SCUBE2: variants seen among roughly 807,000 people sequenced by gnomAD.
SCUBE2 encodes signal peptide, CUB and EGF-like domain-containing protein 2.
In SCUBE2, 114 loss-of-function variants were observed where a neutral mutation model predicts 125.9. The ratio of observed to expected loss-of-function variants is 0.91; its 90% CI spans 0.78 to 1.06. The LOEUF (loss-of-function observed/expected upper bound fraction) is 1.06, where lower values mean the gene tolerates loss of function less well. SCUBE2 is among the 50% of genes least tolerant of loss of function. SCUBE2 has a pLI of 0.00. For synonymous variants in SCUBE2, 459 were observed against 492.9 expected (o/e 0.93, Z 0.91); for missense variants, 1,255 against 1,301.8 (o/e 0.96, Z 0.55).
chr11:9,023,908 G>A (rs1223918442), intron 21 of SCUBE2, among the ~76,000 whole-genome samples: 2 of 152,058 alleles, frequency 1.3e-5, no homozygotes, highest in Admixed American at 6.5e-5. Flanking sequence ...GCGCTCAGAG[G>A]GCCCGTCTGT....
intron 9 of SCUBE2, among the ~76,000 whole-genome samples, chr11:9,058,261 G>A (rs184871632): frequency 4.6e-5 from 7 of 152,160 alleles, no homozygotes; most frequent in African/African-American, 1.2e-4. Context: ...TTAGGAATTC[G>A]AGACCAGCCT....
intron 17 of SCUBE2, among the ~76,000 whole-genome samples, chr11:9,032,500 G>A (rs992445355): frequency 8.5e-5 from 13 of 152,098 alleles, no homozygotes; most frequent in Non-Finnish European, 1.2e-4. Context: ...TTGGGAGGCC[G>A]AGGCAGGTGG....
chr11:9,022,042 A>G, intron 21 of SCUBE2, 87 bp from the exon 22 acceptor site: 1 of 990,512 alleles, frequency 1.0e-6, no homozygotes, highest in Non-Finnish European at 1.6e-6. Context: ...GTTCTGAGAA[A>G]TGCCCCTTCT....
At chr11:9,031,660 C>T (rs1856316645) in intron 17 of SCUBE2, among the ~76,000 whole-genome samples, 2 of 151,936 alleles carry the variant, frequency 1.3e-5, no homozygotes, top group South Asian at 4.2e-4. Context: ...AAAGAGTCTC[C>T]CCTGTTTTAA....
chr11:9,087,057 CT>C (rs1331712861), intron 2 of SCUBE2, among the ~76,000 whole-genome samples: 3 of 152,014 alleles, frequency 2.0e-5, no homozygotes, highest in African/African-American at 7.2e-5. Flanking sequence ...TATTATTTGA[CT>C]TTTTATAACA....
At chr11:9,024,218 C>G in intron 21 of SCUBE2, 1 of 1,096,394 alleles carries the variant, frequency 9.1e-7, no homozygotes, top group Non-Finnish European at 1.1e-6. Flanking sequence ...TTGAGAACAG[C>G]CATATTTATT....
chr11:9,078,410 G>A (rs903239637), intron 3 of SCUBE2, among the ~76,000 whole-genome samples: 1 of 152,188 alleles, frequency 6.6e-6, no homozygotes, highest in African/African-American at 2.4e-5. Flanking sequence ...GGTCATATGA[G>A]GGTTAAGTCC....
intron 2 of SCUBE2, among the ~76,000 whole-genome samples, chr11:9,086,598 A>C (rs1041185174): frequency 6.6e-6 from 1 of 152,196 alleles, no homozygotes; most frequent in Non-Finnish European, 1.5e-5. Flanking sequence ...CACGCCTATA[A>C]TCCCAGCACT....
rs1172454367 is a variant in SCUBE2 at position 9,020,199 on chromosome 11, C to A, written c.*846G>T. On this transcript the variant is annotated 3_prime_UTR_variant, in exon 23 of 23. Transcript: ENST00000649792. Reference sequence around the variant, plus strand: ...AATACCGACTCAGGGTTGGTGAAATCGCCTTTTCATGACAATTGATGATTC... The same window carrying A: ...AATACCGACTCAGGGTTGGTGAAATAGCCTTTTCATGACAATTGATGATTC... Among the ~76,000 whole-genome samples the A allele has an allele frequency of 6.6e-6, 1 of 152,138 alleles. No homozygotes were observed. The highest frequency in any genetic ancestry group is 2.1e-4 in the South Asian group (1 of 4,830).
In SCUBE2 at chr11:9,031,055, GCA is replaced by G. The variant is rs2135143530; in HGVS notation, c.2174-132_2174-131del. The G allele has an allele frequency of 6.4e-6, 5 of 776,512 alleles. No homozygotes were observed. In the South Asian group the frequency reaches 9.4e-5, roughly 15 times the overall value. The allele number at this position is 776,512 out of a possible 1,614,324, so 48.1% of individuals were successfully genotyped here. ...CCGCAGTTCCCACCTCAGTCAGAGA[GCA>G]CACAGTCAATGCTGTGGTGCTTCTG... On this transcript the variant is annotated intron_variant, in intron 17 of 22. Coordinates refer to ENST00000649792, the MANE Select transcript of SCUBE2 (RefSeq NM_001367977.2).
At chr11:9,050,817 C>T in intron 13 of SCUBE2, 107 bp from the exon 14 acceptor site, 1 of 825,336 alleles carries the variant, frequency 1.2e-6, no homozygotes, top group South Asian at 1.4e-5. Context: ...ACACACAGCA[C>T]ACCCTGAGAC....
In SCUBE2 at chr11:9,020,717, A is replaced by G. The variant is rs939886414; in HGVS notation, c.*328T>C. On this transcript the variant is annotated 3_prime_UTR_variant, in exon 23 of 23. Transcript: ENST00000649792. ...CCTTTCCACTACAGACTCCTTGAGG[A>G]GGAGTAAGACCCCAGAAGGACAGGT... 9 of 187,702 alleles carry G rather than the reference A, an allele frequency of 4.8e-5. No homozygotes were observed. Among genetic ancestry groups the G allele is most frequent in the Non-Finnish European group, 8.7e-5 (8 of 92,184 alleles). The allele number at this position is 187,702 out of a possible 1,614,324, so 11.6% of individuals were successfully genotyped here. A position where few individuals can be genotyped will look rare whatever the true frequency, so the allele number is the denominator to read the frequency against.
In SCUBE2 at chr11:9,048,033, C is replaced by A; in HGVS notation, c.1705G>T (p.Val569Phe). 6.2e-7 allele frequency: 1 copy of A among 1,614,204 alleles called. No individual in the cohort carries two copies. Among genetic ancestry groups the A allele is most frequent in the South Asian group, 1.1e-5 (1 of 91,082 alleles). ...CTTGGTCGGCCAGGGGCTCCTGGGA[C>A]TTGCTTGCCAGAGCTGCATGTAAGG... ...VNLTCSSGKQ[V>F]PGAPGRPSTP... Residue 569 changes from valine to phenylalanine, a missense_variant, in exon 15 of 23, where the codon GTC (valine) becomes TTC (phenylalanine). By Grantham distance (50) the Val-to-Phe change is conservative. Transcript: ENST00000649792.
chr11:9,043,562 A>T (rs1857429467), intron 16 of SCUBE2, among the ~76,000 whole-genome samples: 1 of 152,148 alleles, frequency 6.6e-6, no homozygotes, highest in Non-Finnish European at 1.5e-5. Context: ...CAAATTAATG[A>T]AACTTTACTA....
Position 9,079,372 on chromosome 11 carries a change from T to C in SCUBE2, c.382+12A>G. 6.2e-7 allele frequency: 1 copy of C among 1,613,802 alleles called. No homozygotes were observed. The highest frequency in any genetic ancestry group is 8.5e-7 in the Non-Finnish European group (1 of 1,179,828). ...GTGAAGGAGAATTGCCATTTCCAAA[T>C]GCCTTCCTTACCAAGACAATTATGA... On this transcript the variant is annotated intron_variant, in intron 3 of 22. Coordinates refer to ENST00000649792, the MANE Select transcript of SCUBE2 (RefSeq NM_001367977.2).
At chr11:9,064,381 G>A (rs970563283) in intron 7 of SCUBE2, among the ~76,000 whole-genome samples, 5 of 151,210 alleles carry the variant, frequency 3.3e-5, no homozygotes, top group Admixed American at 1.3e-4. Flanking sequence ...TGAGAGAATC[G>A]CTTGAGCCTG....
At chr11:9,033,832 A>G (rs1186650632) in intron 16 of SCUBE2, 36 bp from the exon 17 acceptor site, 3 of 1,607,946 alleles carry the variant, frequency 1.9e-6, no homozygotes, top group Non-Finnish European at 1.7e-6. Flanking sequence ...CAGTGTGGAC[A>G]CAAAGGCCAA....
intron 21 of SCUBE2, 107 bp downstream of exon 21, chr11:9,025,595 C>T: frequency 1.4e-6 from 2 of 1,385,670 alleles, no homozygotes; most frequent in East Asian, 4.7e-5. Flanking sequence ...CCTCATCTTG[C>T]CTGCCTTTCT....
At position 9,025,949 on chromosome 11, in the gene SCUBE2, A is replaced by G. The variant is rs577621737; in HGVS notation, c.2702-95T>C. The stretch of plus-strand genomic sequence containing the variant: ...TCTTTCTAAACACTCAAACCATACA[A>G]TAAGTTATGCTCAAAAGCTCTTCAG... On this transcript the variant is annotated intron_variant, in intron 20 of 22. Transcript: ENST00000649792. 1.1e-5 allele frequency: 15 copies of G among 1,311,452 alleles called. No individual in the cohort carries two copies. The African/African-American group carries it at 1.6e-4, about 14-fold the overall frequency. 81.2% of individuals were successfully genotyped at this position (1,311,452 alleles called of 1,614,324 possible).
Sources: allele counts gnomAD v4.1 joint callset (sites outside exome capture counted in the v4.1 genomes callset), GRCh38; gene constraint gnomAD v4.1.1; transcripts MANE v1.5; gene names NCBI Gene and HGNC (gene_info 2026-07-23, HGNC 2026-07-21).